Variants in CEP55 observed in about 807,000 individuals in gnomAD.
CEP55 encodes the protein centrosomal protein 55, also known as centrosomal protein of 55 kDa.
In CEP55, 57 loss-of-function variants were observed where a neutral mutation model predicts 63.2. That is an observed-to-expected ratio of 0.90 (90% confidence interval 0.73 to 1.13). The LOEUF (loss-of-function observed/expected upper bound fraction) is 1.13, where lower values mean the gene tolerates loss of function less well. Ranked by LOEUF, CEP55 falls within the 50% of genes most tolerant of loss-of-function variation. The pLI is 0.00. For missense variants in CEP55, 456 were observed against 518.9 expected (o/e 0.88, Z 1.18); for synonymous variants, 178 against 191.6 (o/e 0.93, Z 0.59).
At chr10:93,503,031 A>G in intron 2 of CEP55, 82 bp from the exon 3 acceptor site, 1 of 1,300,358 alleles carries the variant, frequency 7.7e-7, no homozygotes, top group Non-Finnish European at 1.1e-6. Context: ...TAAATGCTTC[A>G]TAAATGCTTG....
intron 8 of CEP55, among the ~76,000 whole-genome samples, chr10:93,521,812 G>A (rs887361952): frequency 9.2e-5 from 14 of 152,188 alleles, no homozygotes; most frequent in African/African-American, 1.2e-4. Context: ...TGCAGCCTCC[G>A]CTGCTGATAC....
At chr10:93,519,848 C>T (rs753844770) in intron 8 of CEP55, 41 bp downstream of exon 8, 7 of 1,608,056 alleles carry the variant, frequency 4.4e-6, no homozygotes, top group Non-Finnish European at 8.5e-7. Flanking sequence ...TCTTCGTCTT[C>T]CATTTATATA....
chr10:93,511,325 G>A (rs1411459421), intron 4 of CEP55, among the ~76,000 whole-genome samples: 2 of 152,090 alleles, frequency 1.3e-5, no homozygotes, highest in African/African-American at 4.8e-5. Context: ...CCTAACAAAC[G>A]TATAGATGAC....
At chr10:93,498,152 AAG>A (rs1429779362) in intron 1 of CEP55, among the ~76,000 whole-genome samples, 3 of 150,822 alleles carry the variant, frequency 2.0e-5, no homozygotes, top group Admixed American at 6.6e-5. Flanking sequence ...CAAAAAAAAA[AAG>A]AAAGAAACAG....
intron 1 of CEP55, among the ~76,000 whole-genome samples, chr10:93,499,518 C>CT (rs528933732): frequency 0.03 from 3,594 of 120,594 alleles, 117 homozygotes; most frequent in Non-Finnish European, 0.04. Context: ...TACAAGTTGA[C>CT]TTTTTTTTTT....
chr10:93,527,025 A>G (rs1203819155), intron 8 of CEP55, among the ~76,000 whole-genome samples: 1 of 152,172 alleles, frequency 6.6e-6, no homozygotes, highest in African/African-American at 2.4e-5. Flanking sequence ...TGGCACATGT[A>G]TACATATGTA....
intron 8 of CEP55, among the ~76,000 whole-genome samples, chr10:93,523,458 A>G (rs1014016893): frequency 1.3e-5 from 2 of 152,200 alleles, no homozygotes; most frequent in Non-Finnish European, 2.9e-5. Flanking sequence ...AGAGACCTAA[A>G]AAGAGACTTA....
At chr10:93,505,332 G>A (rs1211122817) in intron 3 of CEP55, among the ~76,000 whole-genome samples, 1 of 152,124 alleles carries the variant, frequency 6.6e-6, no homozygotes, top group African/African-American at 2.4e-5. Context: ...TCCTTCTAGT[G>A]GCTCCACCTT....
In CEP55 at chr10:93,517,144, G is replaced by A. The variant is rs1394683053; in HGVS notation, c.889G>A (p.Asp297Asn). 1.9e-6 allele frequency: 3 copies of A among 1,613,964 alleles called. No individual in the cohort carries two copies. Among genetic ancestry groups the A allele is most frequent in the Non-Finnish European group, 2.5e-6 (3 of 1,179,882 alleles). Residue 297 changes from aspartate (D) to asparagine (N), a missense_variant, in exon 6 of 9, where the codon GAT (aspartate) becomes AAT (asparagine). Physicochemically the swap from Asp to Asn is conservative, Grantham distance 23. Coordinates refer to ENST00000371485, the MANE Select transcript of CEP55 (RefSeq NM_018131.5). ...GGCAGATGTGCAACATCTGGAAGATGATAGGCATAAAACAGAGAAGATACA... is the reference window on the plus strand; with the variant it reads ...GGCAGATGTGCAACATCTGGAAGATAATAGGCATAAAACAGAGAAGATACA... The part of the protein sequence containing the change: ...RRADVQHLED[D>N]RHKTEKIQKL...
At chr10:93,511,015 T>A (rs2057742526) in intron 4 of CEP55, among the ~76,000 whole-genome samples, 1 of 148,626 alleles carries the variant, frequency 6.7e-6, no homozygotes, top group Non-Finnish European at 1.5e-5. Flanking sequence ...CTCAGCTCAC[T>A]GCAACCTCTG....
chr10:93,510,045 T>G (rs967604254), intron 4 of CEP55, among the ~76,000 whole-genome samples: 3 of 152,222 alleles, frequency 2.0e-5, no homozygotes, highest in Non-Finnish European at 4.4e-5. Flanking sequence ...TAGTATTTGT[T>G]ATATTTAAAT....
chr10:93,509,259 A>G (rs1470700815), intron 4 of CEP55, among the ~76,000 whole-genome samples: 2 of 152,154 alleles, frequency 1.3e-5, no homozygotes, highest in Admixed American at 1.3e-4. Flanking sequence ...TAAGGGTCAC[A>G]TTGTGCTTGT....
chr10:93,515,276 G>A, intron 4 of CEP55, 129 bp from the exon 5 acceptor site: 1 of 700,634 alleles, frequency 1.4e-6, no homozygotes. Context: ...ACATAGAATG[G>A]TTGCCCAGAA....
chr10:93,505,191 TCTGA>T (rs2057676339), intron 3 of CEP55, among the ~76,000 whole-genome samples: 1 of 152,264 alleles, frequency 6.6e-6, no homozygotes, highest in Non-Finnish European at 1.5e-5. Flanking sequence ...AACTAGTATG[TCTGA>T]CTCCTATAAC....
At chr10:93,526,648 G>A (rs2057925746) in intron 8 of CEP55, among the ~76,000 whole-genome samples, 1 of 152,126 alleles carries the variant, frequency 6.6e-6, no homozygotes, top group South Asian at 2.1e-4. Context: ...TGTTTATTGT[G>A]GCACTATTCA....
intron 3 of CEP55, among the ~76,000 whole-genome samples, chr10:93,504,107 G>A (rs372517181): frequency 7.2e-5 from 11 of 152,124 alleles, no homozygotes; most frequent in Admixed American, 1.3e-4. Context: ...GTAGGTGTTC[G>A]GTAAATGGTT....
intron 6 of CEP55, among the ~76,000 whole-genome samples, chr10:93,518,170 G>A (rs1311271024): frequency 1.3e-5 from 2 of 149,152 alleles, no homozygotes; most frequent in Non-Finnish European, 3.0e-5. Flanking sequence ...TTTTTTCTGA[G>A]ACAGGGTCTT....
chr10:93,516,633 A>T (rs1409511415), intron 5 of CEP55, among the ~76,000 whole-genome samples: 1 of 152,190 alleles, frequency 6.6e-6, no homozygotes, highest in African/African-American at 2.4e-5. Flanking sequence ...TTTGATAGTT[A>T]TCTCCACATA....
At chr10:93,505,055 G>A (rs1477943697) in intron 3 of CEP55, among the ~76,000 whole-genome samples, 1 of 151,882 alleles carries the variant, frequency 6.6e-6, no homozygotes, top group African/African-American at 2.4e-5. Context: ...CAGGTGATCC[G>A]CCTGCCTCAG....
Sources: allele counts gnomAD v4.1 joint callset (sites outside exome capture counted in the v4.1 genomes callset), GRCh38; gene constraint gnomAD v4.1.1; transcripts MANE v1.5; gene names NCBI Gene and HGNC (gene_info 2026-07-23, HGNC 2026-07-21).